Variants in POC1B observed in about 807,000 individuals in gnomAD.
The protein encoded by POC1B is POC1 centriolar protein B.
Under a neutral mutation model 60.6 loss-of-function variants are expected in POC1B, and 44 were observed. That is an observed-to-expected ratio of 0.73 (90% CI 0.57 to 0.93). POC1B has a LOEUF of 0.93. Among genes scored for constraint, POC1B ranks in the 40% least tolerant of loss-of-function variants. The pLI is 0.00. For synonymous variants in POC1B, 180 were observed against 198.9 expected, an observed-to-expected ratio of 0.90 and a Z score of 0.80; for missense variants, 555 against 572.3, an observed-to-expected ratio of 0.97 and a Z score of 0.31.
chr12:89,412,700 G>C, the POC1B span, among the ~76,000 whole-genome samples: 2 of 151,154 alleles, frequency 1.3e-5, no homozygotes, highest in African/African-American at 4.9e-5. Context: ...AGTTTTTAAT[G>C]TATTAAAAGC....
chr12:89,504,254 G>A (rs1416425878), intron 2 of POC1B, among the ~76,000 whole-genome samples: 1 of 152,258 alleles, frequency 6.6e-6, no homozygotes, highest in Non-Finnish European at 1.5e-5. Flanking sequence ...ATTTTGTTCT[G>A]TACTAAGAAA....
chr12:89,419,758 T>C lies in POC1B; in HGVS notation c.*1395A>G, dbSNP rs1347558715. 2 of 150,142 alleles carry C rather than the reference T, an allele frequency of 1.3e-5. No homozygotes were observed. The highest frequency in any genetic ancestry group is 2.5e-5 in the African/African-American group (1 of 39,448). 9.3% of individuals were successfully genotyped at this position (150,142 alleles called of 1,614,324 possible). A position where few individuals can be genotyped will look rare whatever the true frequency, so the allele number is the denominator to read the frequency against. On this transcript the variant is annotated 3_prime_UTR_variant, in exon 12 of 12. Transcript: ENST00000313546. ...AGAAATGTCTTTATTGTTTGAAGCA[T>C]GACAAAATAAAATTGATAGGACATT...
intron 10 of POC1B, among the ~76,000 whole-genome samples, chr12:89,443,977 T>C (rs1440626909): frequency 6.6e-6 from 1 of 152,084 alleles, no homozygotes; most frequent in Non-Finnish European, 1.5e-5. Flanking sequence ...CATAAACACT[T>C]CTATGCAAAG....
chr12:89,467,588 A>G (rs748924112), intron 8 of POC1B, 29 bp downstream of exon 8: 1 of 1,577,348 alleles, frequency 6.3e-7, no homozygotes, highest in East Asian at 2.2e-5. Context: ...CCTTAACCAA[A>G]TCAAAGAGGA....
chr12:89,489,340 C>T (rs543539563), intron 4 of POC1B, among the ~76,000 whole-genome samples: 1 of 152,318 alleles, frequency 6.6e-6, no homozygotes, highest in South Asian at 2.1e-4. Context: ...CCACAGGTCT[C>T]ACAGCTGATA....
At position 89,471,741 on chromosome 12, in the gene POC1B, G is replaced by A. The variant is rs754347128; in HGVS notation, c.561-12C>T. ...CAAAATTTGCAAATCTAGGAGGAAA[G>A]AATAAGATGACCTAATATTTCAATT... On this transcript the variant is annotated splice_polypyrimidine_tract_variant and intron_variant, in intron 5 of 11. Transcript: ENST00000313546. The A allele has an allele frequency of 7.8e-7, 1 of 1,276,062 alleles. No homozygotes were observed. Among genetic ancestry groups the A allele is most frequent in the South Asian group, 1.3e-5 (1 of 75,872 alleles). 79.0% of individuals were successfully genotyped at this position (1,276,062 alleles called of 1,614,324 possible).
chr12:89,475,135 A>G (rs936840555), intron 4 of POC1B, among the ~76,000 whole-genome samples: 1 of 152,220 alleles, frequency 6.6e-6, no homozygotes, highest in African/African-American at 2.4e-5. Context: ...AGGGTTGTTA[A>G]CAAAACAGGT....
Position 89,497,329 on chromosome 12 carries a change from C to G in POC1B, c.114G>C (p.Trp38Cys). The G allele has an allele frequency of 6.2e-7, 1 of 1,611,760 alleles. No homozygotes were observed. Among genetic ancestry groups the G allele is most frequent in the East Asian group, 2.2e-5 (1 of 44,864 alleles). Residue 38 changes from tryptophan to cysteine, a missense_variant, in exon 3 of 12, where the codon TGG becomes TGC. Physicochemically the swap from Trp to Cys is radical, Grantham distance 215. Transcript: ENST00000313546. ...PNGKQLATAS[W>C]DTFLMLWNFK... is the part of the protein sequence containing the mutation. ...AATTCCATAGCATGAGAAAGGTATC[C>G]CAAGAAGCAGTAGCTATCAAGAAAT...
At chr12:89,404,640 G>C in the POC1B span, among the ~76,000 whole-genome samples, 41 of 152,250 alleles carry the variant, frequency 2.7e-4, no homozygotes, top group Admixed American at 2.7e-3. Flanking sequence ...TCTAGGCTCA[G>C]TTAGACCCAG....
chr12:89,524,114 C>T (rs1871193701), intron 2 of POC1B: 2 of 1,613,848 alleles, frequency 1.2e-6, no homozygotes, highest in Non-Finnish European at 8.5e-7. Flanking sequence ...GACCAGGCTT[C>T]GTTATAGAAA....
In POC1B at chr12:89,497,339, G is replaced by T. The variant is rs1295724234; in HGVS notation, c.104C>A (p.Thr35Asn). The change falls in exon 3 of 12, where the codon ACT becomes AAT. Residue 35 changes from threonine (T) to asparagine (N), a missense_variant. By Grantham distance (65) the Thr-to-Asn change is moderately conservative. Transcript: ENST00000313546. ...CATGAGAAAGGTATCCCAAGAAGCAGTAGCTATCAAGAAATAGAAGAACAA... is the reference window on the plus strand; with the variant it reads ...CATGAGAAAGGTATCCCAAGAAGCATTAGCTATCAAGAAATAGAAGAACAA... ...DLSPNGKQLA[T>N]ASWDTFLMLW... 1 of 1,610,614 alleles carries T rather than the reference G, an allele frequency of 6.2e-7. No homozygotes were observed. The highest frequency in any genetic ancestry group is 1.1e-5 in the South Asian group (1 of 90,918).
chr12:89,425,139 A>C (rs376752246), intron 11 of POC1B, 22 bp downstream of exon 11: 9 of 1,611,428 alleles, frequency 5.6e-6, no homozygotes, highest in Non-Finnish European at 5.9e-6. Context: ...AGTGCAACTC[A>C]TGCAACCTGT....
downstream of POC1B, among the ~76,000 whole-genome samples, chr12:89,415,701 C>T (rs1880352741): frequency 6.6e-6 from 1 of 151,968 alleles, no homozygotes; most frequent in Non-Finnish European, 1.5e-5. Flanking sequence ...TTATTGATCA[C>T]TTACTCCGTG....
chr12:89,524,291 C>A (rs1204230169), intron 2 of POC1B: 5 of 1,614,020 alleles, frequency 3.1e-6, no homozygotes, highest in Non-Finnish European at 4.2e-6. Context: ...AGTTCATCCT[C>A]GTTGAGCTGG....
intron 2 of POC1B, among the ~76,000 whole-genome samples, chr12:89,515,820 T>C (rs570033196): frequency 2.6e-5 from 4 of 152,238 alleles, no homozygotes; most frequent in Admixed American, 1.3e-4. Context: ...CCATTGAGGC[T>C]CTCTTCTCAC....
chr12:89,496,362 C>G (rs1869245243), intron 3 of POC1B, among the ~76,000 whole-genome samples: 1 of 152,026 alleles, frequency 6.6e-6, no homozygotes, highest in Non-Finnish European at 1.5e-5. Flanking sequence ...AATCTCTGCT[C>G]TGAAGTATTT....
At chr12:89,467,046 C>G (rs574972536) in intron 8 of POC1B, 124 bp from the exon 9 acceptor site, 8 of 625,838 alleles carry the variant, frequency 1.3e-5, no homozygotes, top group Non-Finnish European at 2.5e-6. Context: ...TATATTTCAA[C>G]TATGTTACTA....
chr12:89,493,330 C>T (rs1235398656), intron 3 of POC1B, among the ~76,000 whole-genome samples: 1 of 152,210 alleles, frequency 6.6e-6, no homozygotes, highest in East Asian at 1.9e-4. Flanking sequence ...ATTTATTCAT[C>T]TCTATAAGAC....
intron 11 of POC1B, among the ~76,000 whole-genome samples, chr12:89,422,873 T>G (rs1359078747): frequency 2.0e-5 from 3 of 152,230 alleles, no homozygotes; most frequent in African/African-American, 7.2e-5. Flanking sequence ...GCAACCAATT[T>G]TTAAAGATAT....
Sources: allele counts gnomAD v4.1 joint callset (sites outside exome capture counted in the v4.1 genomes callset), GRCh38; gene constraint gnomAD v4.1.1; transcripts MANE v1.5; gene names NCBI Gene and HGNC (gene_info 2026-07-23, HGNC 2026-07-21).